The following FAM227B variants were observed in gnomAD, a reference collection of about 807,000 sequenced individuals.
The protein encoded by FAM227B is protein FAM227B.
In FAM227B, 88 loss-of-function variants were observed where a neutral mutation model predicts 73.8. That is an observed-to-expected ratio of 1.19 (90% CI 1.00 to 1.42). The LOEUF (loss-of-function observed/expected upper bound fraction) is 1.42. Among genes scored for constraint, FAM227B ranks in the 40% most tolerant of loss-of-function variants. The probability of loss-of-function intolerance (pLI) is 0.00; values close to 1 mark genes in which losing one functional copy is unlikely to be tolerated. For synonymous variants in FAM227B, 210 were observed against 190.5 expected, an observed-to-expected ratio of 1.10 and a Z score of -0.84; for missense variants, 632 against 590.9, an observed-to-expected ratio of 1.07 and a Z score of -0.72.
At chr15:49,467,404 T>C (rs572403449) in intron 11 of FAM227B, among the ~76,000 whole-genome samples, 2 of 152,278 alleles carry the variant, frequency 1.3e-5, no homozygotes, top group South Asian at 4.1e-4. Context: ...TATAAATTTA[T>C]GCATAGGTGT....
chr15:49,605,434 G>A (rs1471727157), intron 3 of FAM227B, among the ~76,000 whole-genome samples: 2 of 152,196 alleles, frequency 1.3e-5, no homozygotes, highest in Non-Finnish European at 2.9e-5. Context: ...CAGTCCACTG[G>A]GTGCAGCCTG....
intron 14 of FAM227B, among the ~76,000 whole-genome samples, chr15:49,334,664 A>T (rs1015685366): frequency 1.2e-4 from 18 of 152,166 alleles, no homozygotes; most frequent in African/African-American, 2.4e-5. Flanking sequence ...ACCCTTGGAA[A>T]GCAGGGGCGC....
chr15:49,386,731 T>A (rs1161390187), intron 11 of FAM227B, among the ~76,000 whole-genome samples: 1 of 150,456 alleles, frequency 6.6e-6, no homozygotes, highest in African/African-American at 2.4e-5. Context: ...TTGAAAAAAA[T>A]AAACAAAACT....
At position 49,459,618 on chromosome 15, in the gene FAM227B, T is replaced by C. The variant is rs372538476; in HGVS notation, c.1012+48593A>G. Among the ~76,000 whole-genome samples, 4 of 152,294 alleles carry C rather than the reference T, an allele frequency of 2.6e-5. No individual in the cohort carries two copies. The East Asian group carries it at 7.7e-4, about 29-fold the overall frequency. On this transcript the variant is annotated intron_variant, in intron 11 of 15. Transcript: ENST00000299338. ...TTTGCAAATATTGCTTTTATGTAAA[T>C]TTATAGAGTTTGAGGAATAATTAAA...
chr15:49,365,182 C>G (rs1040989969), intron 13 of FAM227B: 1 of 783,184 alleles, frequency 1.3e-6, no homozygotes, highest in African/African-American at 1.7e-5. Context: ...TTGCATAATA[C>G]AGATGGTCCA....
intron 10 of FAM227B, among the ~76,000 whole-genome samples, chr15:49,514,205 G>A (rs2413956): frequency 0.25 from 37,876 of 151,938 alleles, 5,681 homozygotes; most frequent in Non-Finnish European, 0.35. Flanking sequence ...CCATTTTCAC[G>A]ATATTGATTT....
chr15:49,409,508 T>C (rs2048737394), intron 11 of FAM227B, among the ~76,000 whole-genome samples: 1 of 149,760 alleles, frequency 6.7e-6, no homozygotes, highest in South Asian at 2.1e-4. Context: ...TCTCTTTCTA[T>C]ATATATATAG....
chr15:49,433,639 T>A lies in FAM227B; in HGVS notation c.1013-62240A>T, dbSNP rs80019499. 6.4e-3 allele frequency among the ~76,000 whole-genome samples: 978 copies of A among 151,720 alleles called. 14 individuals carry two copies. Among genetic ancestry groups the A allele is most frequent in the African/African-American group, 0.023 (940 of 41,452 alleles). The stretch of plus-strand genomic sequence containing the variant: ...TGATTTAATGTCTTTCTAGGTGATT[T>A]CAAGGAACTGGTGGAAAATTTGGTT... On this transcript the variant is annotated intron_variant, in intron 11 of 15. Coordinates refer to ENST00000299338, the MANE Select transcript of FAM227B (RefSeq NM_152647.3).
Position 49,327,923 on chromosome 15 carries a change from T to C in FAM227B, c.*645A>G, listed in dbSNP as rs916832088. On this transcript the variant is annotated 3_prime_UTR_variant, in exon 16 of 16. Coordinates refer to ENST00000299338, the MANE Select transcript of FAM227B (RefSeq NM_152647.3). The stretch of plus-strand genomic sequence containing the variant: ...AATCCCTTGTATTTTCATTTATAGG[T>C]TCTAATATTTTTTTCCTCACTGTTT... 5.7e-6 allele frequency: 9 copies of C among 1,591,398 alleles called. No individual in the cohort carries two copies. In the African/African-American group the frequency reaches 8.1e-5, roughly 14 times the overall value.
intron 11 of FAM227B, among the ~76,000 whole-genome samples, chr15:49,373,490 T>A (rs2045972434): frequency 6.6e-6 from 1 of 152,060 alleles, no homozygotes; most frequent in Non-Finnish European, 1.5e-5. Context: ...GTTCTCAGCA[T>A]CTCTGAAAGC....
intron 11 of FAM227B, among the ~76,000 whole-genome samples, chr15:49,503,929 T>C (rs1597678518): frequency 6.6e-6 from 1 of 152,150 alleles, no homozygotes; most frequent in Non-Finnish European, 1.5e-5. Context: ...TTACTGGGTA[T>C]ATACCCAAAG....
chr15:49,340,580 C>G (rs1355994659), intron 13 of FAM227B, among the ~76,000 whole-genome samples: 1 of 152,140 alleles, frequency 6.6e-6, no homozygotes, highest in Non-Finnish European at 1.5e-5. Flanking sequence ...ATCTTGCCAG[C>G]AAAGTCCTTG....
At chr15:49,498,381 G>C (rs1417540584) in intron 11 of FAM227B, among the ~76,000 whole-genome samples, 2 of 152,202 alleles carry the variant, frequency 1.3e-5, no homozygotes, top group Non-Finnish European at 1.5e-5. Context: ...ATTTATGAGA[G>C]TAAGGCAGTT....
chr15:49,352,203 G>C (rs561315080), intron 13 of FAM227B, among the ~76,000 whole-genome samples: 1 of 152,216 alleles, frequency 6.6e-6, no homozygotes. Context: ...CCAAAAGCAA[G>C]AGTGAAACAG....
intron 11 of FAM227B, among the ~76,000 whole-genome samples, chr15:49,499,570 C>G (rs1263350441): frequency 1.3e-5 from 2 of 152,004 alleles, no homozygotes; most frequent in African/African-American, 4.8e-5. Context: ...ATGGAAATGA[C>G]AAGAATCTAG....
chr15:49,340,395 A>G (rs2040497116), intron 13 of FAM227B, among the ~76,000 whole-genome samples: 1 of 128,418 alleles, frequency 7.8e-6, no homozygotes, highest in Non-Finnish European at 1.7e-5. Flanking sequence ...TGGGTGAGGC[A>G]GTGCCCCGCC....
chr15:49,564,054 C>T (rs1258438955), intron 9 of FAM227B, among the ~76,000 whole-genome samples: 1 of 152,090 alleles, frequency 6.6e-6, no homozygotes, highest in Non-Finnish European at 1.5e-5. Context: ...AACAGGCAAC[C>T]TACAGAATAG....
chr15:49,510,481 T>A (rs890050625), intron 10 of FAM227B, among the ~76,000 whole-genome samples: 16 of 152,152 alleles, frequency 1.1e-4, no homozygotes, highest in Non-Finnish European at 7.4e-5. Flanking sequence ...CCCCCCACTA[T>A]TGTCTAAATT....
At chr15:49,477,251 C>G (rs2055427196) in intron 11 of FAM227B, among the ~76,000 whole-genome samples, 1 of 152,152 alleles carries the variant, frequency 6.6e-6, no homozygotes, top group South Asian at 2.1e-4. Flanking sequence ...TGAGTTCTGA[C>G]AAATGTATAT....
Sources: gnomAD v4.1 joint callset for allele counts (sites outside exome capture counted in the v4.1 genomes callset) on GRCh38, gnomAD v4.1.1 for gene constraint, MANE v1.5 for transcripts, NCBI Gene and HGNC (gene_info 2026-07-23, HGNC 2026-07-21) for gene names.